KIF26A: variants seen among roughly 807,000 people sequenced by gnomAD.
KIF26A encodes kinesin-like protein KIF26A.
KIF26A carries 74 observed loss-of-function variants against 126.0 expected under a neutral mutation model. The ratio of observed to expected loss-of-function variants is 0.59; its 90% CI spans 0.49 to 0.71. The LOEUF is 0.71. KIF26A is among the 30% of genes least tolerant of loss of function. The probability of loss-of-function intolerance (pLI) is 0.00; values close to 1 mark genes in which losing one functional copy is unlikely to be tolerated. For missense variants in KIF26A, 2,984 were observed against 2,763.3 expected, an observed-to-expected ratio of 1.08 and a Z score of -1.79; for synonymous variants, 1,445 against 1,232.7, an observed-to-expected ratio of 1.17 and a Z score of -3.61.
chr14:104,179,236 GGTCTGGCGTGC>G lies in KIF26A; in HGVS notation c.5321_5331del (p.Leu1774GlnfsTer26), dbSNP rs955355873. Reference sequence around the variant, plus strand: ...AGCCCCCGCCCGCCCTGCCTCCCAGGGTCTGGCGTGCGTCAGTACAAGGCTGCGGCTGGCGG... The same window carrying G: ...AGCCCCCGCCCGCCCTGCCTCCCAGGGTCAGTACAAGGCTGCGGCTGGCGG... On this transcript the variant is annotated frameshift_variant and splice_region_variant, in exon 14 of 15. Transcript: ENST00000423312. LOFTEE classifies it high-confidence loss of function. 1 of 1,480,278 alleles carries G rather than the reference GGTCTGGCGTGC, an allele frequency of 6.8e-7. No individual in the cohort carries two copies. Among genetic ancestry groups the G allele is most frequent in the African/African-American group, 1.4e-5 (1 of 70,382 alleles). 91.7% of individuals were successfully genotyped at this position (1,480,278 alleles called of 1,614,324 possible).
At position 104,166,957 on chromosome 14, in the gene KIF26A, G is replaced by A; in HGVS notation, c.1022G>A (p.Ser341Asn). 6.3e-7 allele frequency: 1 copy of A among 1,590,540 alleles called. No individual in the cohort carries two copies. Among genetic ancestry groups the A allele is most frequent in the South Asian group, 1.1e-5 (1 of 87,448 alleles). ...ACCTCCACCTACCCCACCGACTTCA[G>A]CGGGGTCCTGCAGCTGTGGCCGCCC... ...RGTSTYPTDF[S>N]GVLQLWPPPA... Residue 341 changes from serine (S) to asparagine (N), a missense_variant, in exon 5 of 15, where the codon AGC (serine) becomes AAC (asparagine). Ser to Asn is a conservative substitution (Grantham distance 46, BLOSUM62 1). Coordinates refer to ENST00000423312, the MANE Select transcript of KIF26A (RefSeq NM_015656.2).
At chr14:104,166,415 T>G (rs2037903123) in intron 4 of KIF26A, among the ~76,000 whole-genome samples, 1 of 152,138 alleles carries the variant, frequency 6.6e-6, no homozygotes, top group Admixed American at 6.5e-5. Flanking sequence ...ATGTAGAAAC[T>G]GAGGCATAGG....
At chr14:104,142,684 C>A (rs1354491822) in intron 2 of KIF26A, among the ~76,000 whole-genome samples, 2 of 152,166 alleles carry the variant, frequency 1.3e-5, no homozygotes, top group Non-Finnish European at 2.9e-5. Flanking sequence ...ACATCTAAGG[C>A]CCCCCTCGCT....
rs760321598 is a variant in KIF26A, at chr14:104,176,707, C to T, written c.3919C>T (p.Arg1307Trp). 41 of 1,586,420 alleles carry T rather than the reference C, an allele frequency of 2.6e-5. 1 individual carries two copies. The highest frequency in any genetic ancestry group is 1.7e-4 in the Middle Eastern group (1 of 5,964). Residue 1307 changes from arginine (R) to tryptophan (W), a missense_variant, in exon 12 of 15, where the codon CGG (arginine) becomes TGG (tryptophan). Coordinates refer to ENST00000423312, the MANE Select transcript of KIF26A (RefSeq NM_015656.2). ...PEAVARIPPLRRGATTLGVTT... is the reference protein window; with the variant it reads ...PEAVARIPPLWRGATTLGVTT... Reference sequence around the variant, plus strand: ...GGCTGTGGCTCGGATCCCACCGCTGCGGAGGGGTGCCACCACGCTGGGTGT... The same window carrying T: ...GGCTGTGGCTCGGATCCCACCGCTGTGGAGGGGTGCCACCACGCTGGGTGT...
At chr14:104,139,618 G>A (rs971074500) in intron 2 of KIF26A, among the ~76,000 whole-genome samples, 1 of 152,294 alleles carries the variant, frequency 6.6e-6, no homozygotes, top group African/African-American at 2.4e-5. Context: ...CTCCACCCAG[G>A]GCGGGACAGC....
chr14:104,161,348 G>A lies in KIF26A; in HGVS notation c.923+3406G>A, dbSNP rs1057347334. Among the ~76,000 whole-genome samples, 8 of 152,256 alleles carry A rather than the reference G, an allele frequency of 5.3e-5. No homozygotes were observed. The East Asian group carries it at 9.7e-4, about 18-fold the overall frequency. On this transcript the variant is annotated intron_variant, in intron 4 of 14. Transcript: ENST00000423312. ...GGGGCTCCGTCCACCAGCCTCGCACGGCCCAGTGTGGAAGCTCTGGGTTGG... is the reference window on the plus strand; with the variant it reads ...GGGGCTCCGTCCACCAGCCTCGCACAGCCCAGTGTGGAAGCTCTGGGTTGG...
chr14:104,171,942 G>GC lies in KIF26A; in HGVS notation c.1326+8dup. 1 of 1,549,810 alleles carries GC rather than the reference G, an allele frequency of 6.5e-7. No individual in the cohort carries two copies. The highest frequency in any genetic ancestry group is 2.4e-5 in the East Asian group (1 of 40,942). ...CCCCCAGGACTCCGAGCAGGTACGGGCAGGCGGACTGGGCGTCCTCCCGGA... is the reference window on the plus strand; with the variant it reads ...CCCCCAGGACTCCGAGCAGGTACGGGCCAGGCGGACTGGGCGTCCTCCCGGA... On this transcript the variant is annotated splice_region_variant and intron_variant, in intron 6 of 14. Transcript: ENST00000423312.
chr14:104,144,122 C>T (rs1307371798), intron 2 of KIF26A, among the ~76,000 whole-genome samples: 1 of 152,154 alleles, frequency 6.6e-6, no homozygotes, highest in Non-Finnish European at 1.5e-5. Context: ...CCCTGTGGTT[C>T]AGCATGTGAT....
chr14:104,177,602 C>G lies in KIF26A; in HGVS notation c.4814C>G (p.Thr1605Arg), dbSNP rs777924224. The change falls in exon 12 of 15, where the codon ACG becomes AGG. Residue 1605 changes from threonine to arginine, a missense_variant. Coordinates refer to ENST00000423312, the MANE Select transcript of KIF26A (RefSeq NM_015656.2). The stretch of plus-strand genomic sequence containing the variant: ...AACGTGGGGGAGGAGCGGCCACCCA[C>G]GGGCCCGGCCCTGCCCTCCCCCTAC... Reference protein sequence around the residue: ...GVNVGEERPPTGPALPSPYSK... With the variant: ...GVNVGEERPPRGPALPSPYSK... 1.3e-6 allele frequency: 2 copies of G among 1,530,068 alleles called. No homozygotes were observed. The highest frequency in any genetic ancestry group is 1.7e-6 in the Non-Finnish European group (2 of 1,143,226). 94.8% of individuals were successfully genotyped at this position (1,530,068 alleles called of 1,614,324 possible). A position where few individuals can be genotyped will look rare whatever the true frequency, so the allele number is the denominator to read the frequency against.
chr14:104,174,652 A>C (rs1171141374), intron 11 of KIF26A, among the ~76,000 whole-genome samples: 1 of 151,930 alleles, frequency 6.6e-6, no homozygotes, highest in East Asian at 1.9e-4. Flanking sequence ...CTGGGGCTGG[A>C]GGGTGGAGTT....
Position 104,173,252 on chromosome 14 carries a change from A to G in KIF26A, c.1683+13A>G, listed in dbSNP as rs1302748341. On this transcript the variant is annotated intron_variant, in intron 8 of 14. Transcript: ENST00000423312. ...GTGTGGGGCGCAGGTGCGCCTGCCT[A>G]CTGTCCCACCTTGGGGGAGGGGGGC... The G allele has an allele frequency of 1.2e-6, 2 of 1,604,230 alleles. No homozygotes were observed. Among genetic ancestry groups the G allele is most frequent in the South Asian group, 1.1e-5 (1 of 90,676 alleles).
chr14:104,157,919 A>G lies in KIF26A; in HGVS notation c.900A>G (p.Ser300=). 1.3e-6 allele frequency: 2 copies of G among 1,521,630 alleles called. No individual in the cohort carries two copies. Among genetic ancestry groups the G allele is most frequent in the Non-Finnish European group, 1.8e-6 (2 of 1,133,716 alleles). The allele number at this position is 1,521,630 out of a possible 1,614,324, so 94.3% of individuals were successfully genotyped here. ...CGGTGGGGGGCTCCACAGGCCCCTC[A>G]GCTGCAGCCTCCTTCTTCATAAGGT... The part of the protein sequence containing the change: ...PGSVGGSTGP[S]AAASFFIRAM... Residue 300 remains serine, a synonymous_variant, in exon 4 of 15, where the codon TCA becomes TCG. Transcript: ENST00000423312.
intron 2 of KIF26A, 60 bp downstream of exon 2, chr14:104,139,348 A>C (rs539656635): frequency 1.5e-6 from 2 of 1,376,550 alleles, no homozygotes; most frequent in Admixed American, 3.5e-5. Context: ...CTTGGGTAGA[A>C]CTTGGGGCTT....
In KIF26A at chr14:104,138,713, C is replaced by T; in HGVS notation, c.-10C>T. 1 of 1,267,290 alleles carries T rather than the reference C, an allele frequency of 7.9e-7. No homozygotes were observed. Among genetic ancestry groups the T allele is most frequent in the Non-Finnish European group, 9.9e-7 (1 of 1,007,664 alleles). 78.5% of individuals were successfully genotyped at this position (1,267,290 alleles called of 1,614,324 possible). A position where few individuals can be genotyped will look rare whatever the true frequency, so the allele number is the denominator to read the frequency against. On this transcript the variant is annotated 5_prime_UTR_variant, in exon 1 of 15. Coordinates refer to ENST00000423312, the MANE Select transcript of KIF26A (RefSeq NM_015656.2). ...GGGAGCGCCTGCCGGGCTCTTCCCG[C>T]GCCCCGGCCATGGTCGGCCGCGGCG...
At chr14:104,150,385 A>G (rs549901145) in intron 2 of KIF26A, among the ~76,000 whole-genome samples, 1 of 151,950 alleles carries the variant, frequency 6.6e-6, no homozygotes, top group South Asian at 2.1e-4. Flanking sequence ...GGAGTGGCCC[A>G]TAAATCAGGC....
At chr14:104,167,229 C>T (rs1460813208) in intron 5 of KIF26A, among the ~76,000 whole-genome samples, 181 bp downstream of exon 5, 1 of 152,028 alleles carries the variant, frequency 6.6e-6, no homozygotes, top group African/African-American at 2.4e-5. Context: ...GGAGCCTGTG[C>T]TGGGCTGGGA....
intron 4 of KIF26A, among the ~76,000 whole-genome samples, chr14:104,165,414 T>C (rs1224006314): frequency 6.6e-6 from 1 of 151,410 alleles, no homozygotes; most frequent in Non-Finnish European, 1.5e-5. Context: ...GTTCTGTGTG[T>C]CTCTGTATGC....
rs769589422 is a variant in KIF26A, at chr14:104,174,298, G to A, written c.2181G>A (p.Arg727=). ...QLAARIHRLR[R]KKAKYASSSS... ...CCGCCCGCATCCACCGCCTGCGCAGGAAGAAGGCCAAGGTGCTCCCCACCT... is the reference window on the plus strand; with the variant it reads ...CCGCCCGCATCCACCGCCTGCGCAGAAAGAAGGCCAAGGTGCTCCCCACCT... The change falls in exon 11 of 15, where the codon AGG becomes AGA. Residue 727 remains arginine (R), a synonymous_variant. Coordinates refer to ENST00000423312, the MANE Select transcript of KIF26A (RefSeq NM_015656.2). 8.4e-5 allele frequency: 130 copies of A among 1,547,616 alleles called. No individual in the cohort carries two copies. The highest frequency in any genetic ancestry group is 1.1e-4 in the Non-Finnish European group (122 of 1,146,174).
At chr14:104,157,197 T>C (rs529064522) in intron 3 of KIF26A, among the ~76,000 whole-genome samples, 1 of 152,178 alleles carries the variant, frequency 6.6e-6, no homozygotes, top group Non-Finnish European at 1.5e-5. Context: ...TGAGGAGGCC[T>C]CCCTTTCTGG....
Sources: gnomAD v4.1 joint callset for allele counts (sites outside exome capture counted in the v4.1 genomes callset) on GRCh38, gnomAD v4.1.1 for gene constraint, MANE v1.5 for transcripts, NCBI Gene and HGNC (gene_info 2026-07-23, HGNC 2026-07-21) for gene names.